Variants in DMD observed in about 807,000 individuals in gnomAD.
DMD encodes the protein mutant dystrophin.
A neutral mutation model predicts 330.1 loss-of-function variants in DMD; 63 were observed. The ratio of observed to expected loss-of-function variants is 0.19; its 90% CI spans 0.16 to 0.24. The LOEUF (loss-of-function observed/expected upper bound fraction) is 0.24. Ranked by LOEUF, DMD falls within the 10% of genes least tolerant of loss-of-function variation. The pLI is 1.00. For missense variants in DMD, 3,344 were observed against 2,684.1 expected (o/e 1.25, Z -5.43); for synonymous variants, 1,223 against 959.8 (o/e 1.27, Z -5.07).
At chrX:33,325,265 G>A (rs1269239149) in intron 1 of DMD, among the ~76,000 whole-genome samples, 1 of 111,993 alleles carries the variant, frequency 8.9e-6, no homozygotes, top group East Asian at 2.8e-4. Context: ...CTCTTGGCAT[G>A]TGGCTTCCTG....
chrX:33,243,382 C>CA (rs768062004), intron 1 of DMD, among the ~76,000 whole-genome samples: 9 of 111,287 alleles, frequency 8.1e-5, no homozygotes, highest in Non-Finnish European at 1.5e-4. Flanking sequence ...TATTAAAAAA[C>CA]AAATAAACAA....
At chrX:32,479,470 C>G (rs1335973399) in intron 21 of DMD, among the ~76,000 whole-genome samples, 1 of 110,080 alleles carries the variant, frequency 9.1e-6, no homozygotes. Context: ...AACTACCTTT[C>G]TATTTTCTGT....
At chrX:31,748,656 A>G (rs2088079429) in intron 51 of DMD, among the ~76,000 whole-genome samples, 1 of 112,014 alleles carries the variant, frequency 8.9e-6, no homozygotes, top group South Asian at 3.7e-4. Flanking sequence ...GATATTGCAC[A>G]TGGGATGGAT....
At chrX:32,127,518 C>T (rs777987314) in intron 44 of DMD, among the ~76,000 whole-genome samples, 6 of 111,230 alleles carry the variant, frequency 5.4e-5, no homozygotes, top group Non-Finnish European at 1.1e-4. Flanking sequence ...TTCTCTAACT[C>T]GAATGAACCC....
upstream of DMD, chrX:33,211,653 C>G (rs2051923612): frequency 4.3e-6 from 3 of 703,246 alleles, no homozygotes; most frequent in Non-Finnish European, 5.5e-6. Flanking sequence ...ATAGGACTGT[C>G]CATGGTCACT....
intron 7 of DMD, among the ~76,000 whole-genome samples, chrX:32,780,364 A>C (rs1481845698): frequency 8.9e-6 from 1 of 112,380 alleles, no homozygotes; most frequent in Non-Finnish European, 1.9e-5. Context: ...TTGAAATTTT[A>C]TAACAGCTTA....
At chrX:32,387,775 A>C (rs1182659220) in intron 32 of DMD, among the ~76,000 whole-genome samples, 1 of 111,460 alleles carries the variant, frequency 9.0e-6, no homozygotes, top group Non-Finnish European at 1.9e-5. Context: ...ATTATGTTGG[A>C]AATCAACGAT....
chrX:32,508,227 G>A (rs1255944941), intron 18 of DMD, among the ~76,000 whole-genome samples: 3 of 111,004 alleles, frequency 2.7e-5, no homozygotes, highest in Non-Finnish European at 3.8e-5. Context: ...CCAGAAAGAA[G>A]CAGTCAATGG....
intron 47 of DMD, among the ~76,000 whole-genome samples, chrX:31,926,487 C>T (rs1390058059): frequency 2.7e-5 from 3 of 110,417 alleles, no homozygotes; most frequent in South Asian, 3.9e-4. Flanking sequence ...CCAGCCTGGC[C>T]GACATGGCGA....
At chrX:32,933,234 G>A (rs1007702895) in intron 2 of DMD, among the ~76,000 whole-genome samples, 1 of 111,927 alleles carries the variant, frequency 8.9e-6, no homozygotes, top group Non-Finnish European at 1.9e-5. Flanking sequence ...GTAGAGACTA[G>A]AGATATTAAG....
intron 1 of DMD, among the ~76,000 whole-genome samples, chrX:33,114,041 A>C (rs2095362193): frequency 9.0e-6 from 1 of 110,973 alleles, no homozygotes; most frequent in Admixed American, 9.7e-5. Context: ...TGAAAATATA[A>C]TATTTGTTTT....
intron 30 of DMD, among the ~76,000 whole-genome samples, chrX:32,392,401 G>T (rs1284247354): frequency 9.0e-6 from 1 of 111,327 alleles, no homozygotes; most frequent in Non-Finnish European, 1.9e-5. Flanking sequence ...TGCGATTACA[G>T]GTGCCCACCA....
At chrX:31,438,259 C>CAT (rs1389949357) in intron 60 of DMD, among the ~76,000 whole-genome samples, 2 of 111,242 alleles carry the variant, frequency 1.8e-5, no homozygotes, top group Non-Finnish European at 3.8e-5. Flanking sequence ...TTACAGAAGT[C>CAT]ATATATATAT....
intron 12 of DMD, among the ~76,000 whole-genome samples, chrX:32,612,896 A>C (rs2057285117): frequency 9.0e-6 from 1 of 111,099 alleles, no homozygotes; most frequent in Non-Finnish European, 1.9e-5. Flanking sequence ...GTCATTCAAA[A>C]CTGAAGCTCA....
chrX:32,062,944 T>G (rs1430302430), intron 44 of DMD, among the ~76,000 whole-genome samples: 1 of 110,959 alleles, frequency 9.0e-6, no homozygotes, highest in Non-Finnish European at 1.9e-5. Flanking sequence ...ATTTCAGATC[T>G]GCTGTTTCAG....
intron 1 of DMD, among the ~76,000 whole-genome samples, chrX:33,270,219 A>T (rs2053129902): frequency 9.0e-6 from 1 of 111,465 alleles, no homozygotes; most frequent in Admixed American, 9.6e-5. Context: ...GGTTGAAAAC[A>T]TCAAGAAACA....
At chrX:32,011,347 A>G (rs1214557481) in intron 44 of DMD, among the ~76,000 whole-genome samples, 4 of 111,274 alleles carry the variant, frequency 3.6e-5, no homozygotes, top group African/African-American at 1.3e-4. Flanking sequence ...GAAAAACTAT[A>G]TTATTCCTGT....
intron 63 of DMD, among the ~76,000 whole-genome samples, chrX:31,245,117 T>A (rs1289331461): frequency 2.7e-5 from 3 of 111,971 alleles, no homozygotes; most frequent in African/African-American, 9.7e-5. Flanking sequence ...TTATTCCTTT[T>A]AGGGCAAAAT....
At position 32,721,066 on chromosome X, in the gene DMD, T is replaced by TTG. The variant is rs113205688; in HGVS notation, c.650-21775_650-21774dup. On this transcript the variant is annotated intron_variant, in intron 7 of 78. Coordinates refer to ENST00000357033, the MANE Select transcript of DMD (RefSeq NM_004006.3). The stretch of plus-strand genomic sequence containing the variant: ...CACTATCTTTTGTGAGGCTGAATAT[T>TTG]TGTGTGTGTGTGTGTGTGTGTCACA... Among the ~76,000 whole-genome samples, 538 of 108,837 alleles carry TTG rather than the reference T, an allele frequency of 4.9e-3. 4 individuals carry two copies. The highest frequency in any genetic ancestry group is 9.9e-3 in the African/African-American group (296 of 29,978). The allele number at this position is 108,837 out of a possible 115,157, so 94.5% of individuals were successfully genotyped here.
Sources: allele counts gnomAD v4.1 joint callset (sites outside exome capture counted in the v4.1 genomes callset), GRCh38; gene constraint gnomAD v4.1.1; transcripts MANE v1.5; gene names NCBI Gene and HGNC (gene_info 2026-07-23, HGNC 2026-07-21).